The following IGFN1 variants were observed in gnomAD, a reference collection of about 807,000 sequenced individuals.
The protein encoded by IGFN1 is immunoglobulin like and fibronectin type III domain containing 1.
Under a neutral mutation model 289.5 loss-of-function variants are expected in IGFN1, and 253 were observed. The observed-to-expected ratio is 0.87, with a 90% CI of 0.79 to 0.97. The LOEUF is 0.97. IGFN1 is among the 50% of genes least tolerant of loss of function. The probability of loss-of-function intolerance (pLI) is 0.00; values close to 1 mark genes in which losing one functional copy is unlikely to be tolerated. For missense variants in IGFN1, 4,470 were observed against 4,686.1 expected (o/e 0.95, Z 1.35); for synonymous variants, 1,706 against 1,788.5 (o/e 0.95, Z 1.16).
chr1:201,227,151 G>A lies in IGFN1; in HGVS notation c.11056G>A (p.Ala3686Thr), dbSNP rs375867012. 2 of 1,612,860 alleles carry A rather than the reference G, an allele frequency of 1.2e-6. No individual in the cohort carries two copies. The highest frequency in any genetic ancestry group is 1.7e-6 in the Non-Finnish European group (2 of 1,179,788). The change falls in exon 23 of 24, where the codon GCT becomes ACT. Residue 3686 changes from alanine (A) to threonine (T), a missense_variant. By Grantham distance (58) the Ala-to-Thr change is moderately conservative. Around this residue, in one of 8 missense-constraint regions of IGFN1, gnomAD observed 2,218 missense variants for 2,114.1 expected, o/e 1.05. Transcript: ENST00000335211. ...CCCGAAGGACAGCGGGGAGTACAAG[G>A]CTGTGGCTGAGAACACGCTGGGCCA... Reference protein sequence around the residue: ...VSPKDSGEYKAVAENTLGQAV... With the variant: ...VSPKDSGEYKTVAENTLGQAV...
Position 201,214,282 on chromosome 1 carries a change from G to A in IGFN1, c.8834G>A (p.Trp2945Ter). ...TLTSDLGPGT[W>*]FKDGVKLTTQ... Reference sequence around the variant, plus strand: ...ACCAGTGACCTGGGACCTGGCACCTGGTTTAAGGATGGCGTCAAGGTACTG... The same window carrying A: ...ACCAGTGACCTGGGACCTGGCACCTAGTTTAAGGATGGCGTCAAGGTACTG... Residue 2945 changes from tryptophan to a stop codon, truncating the protein, a stop_gained, in exon 13 of 24, where the codon TGG becomes TAG. Coordinates refer to ENST00000335211, the MANE Select transcript of IGFN1 (RefSeq NM_001164586.2). LOFTEE classifies it high-confidence loss of function. 1 of 1,611,524 alleles carries A rather than the reference G, an allele frequency of 6.2e-7. No homozygotes were observed. Among genetic ancestry groups the A allele is most frequent in the Non-Finnish European group, 8.5e-7 (1 of 1,178,186 alleles).
In IGFN1 at chr1:201,216,560, G is replaced by T. The variant is rs771641776; in HGVS notation, c.9402G>T (p.Glu3134Asp). 1.9e-6 allele frequency: 3 copies of T among 1,613,450 alleles called. No individual in the cohort carries two copies. The East Asian group carries it at 6.7e-5, about 36-fold the overall frequency. Residue 3134 changes from glutamate to aspartate, a missense_variant, in exon 16 of 24, where the codon GAG (glutamate) becomes GAT (aspartate). Transcript: ENST00000335211. ...GGGACAATGGGGGCCGGACTGTAGA[G>T]TGCTACGTGGTGGAGAGACGGCAGG... ...PPRDNGGRTVECYVVERRQAG... is the reference protein window; with the variant it reads ...PPRDNGGRTVDCYVVERRQAG...
Position 201,208,610 on chromosome 1 carries a change from TG to T in IGFN1, c.3720del (p.Pro1241LeufsTer70). 1 of 1,508,896 alleles carries T rather than the reference TG, an allele frequency of 6.6e-7. No homozygotes were observed. Among genetic ancestry groups the T allele is most frequent in the Non-Finnish European group, 8.8e-7 (1 of 1,135,868 alleles). 93.5% of individuals were successfully genotyped at this position (1,508,896 alleles called of 1,614,324 possible). A position where few individuals can be genotyped will look rare whatever the true frequency, so the allele number is the denominator to read the frequency against. ...CCTATGGAGAAAGGTCAAGGGGCCTTGGGCCTAGGAGTACAGGGCCAGGGGG... is the reference window on the plus strand; with the variant it reads ...CCTATGGAGAAAGGTCAAGGGGCCTTGGCCTAGGAGTACAGGGCCAGGGGG... Reference protein sequence around the residue: ...TAYGERSRGLGPRSTGPGGEA... With the variant: ...TAYGERSRGLXPRSTGPGGEA... On this transcript the variant is annotated frameshift_variant, in exon 12 of 24. Transcript: ENST00000335211. LOFTEE classifies it high-confidence loss of function.
Position 201,206,715 on chromosome 1 carries a change from A to C in IGFN1, c.1822A>C (p.Ser608Arg), listed in dbSNP as rs1558141149. The C allele has an allele frequency of 1.3e-6, 2 of 1,536,714 alleles. No homozygotes were observed. The highest frequency in any genetic ancestry group is 1.7e-6 in the Non-Finnish European group (2 of 1,146,916). The change falls in exon 12 of 24, where the codon AGC becomes CGC. Residue 608 changes from serine (S) to arginine (R), a missense_variant. This residue lies in a region of IGFN1 where 2,011 missense variants were observed against 1,953.4 expected (regional missense o/e 1.03). Transcript: ENST00000335211. ...TCGACTGGGACCTGGGAGAGGAAAGAGCGACCTGCAGGGATGCCAGTCTGA... is the reference window on the plus strand; with the variant it reads ...TCGACTGGGACCTGGGAGAGGAAAGCGCGACCTGCAGGGATGCCAGTCTGA... ...DARLGPGRGK[S>R]DLQGCQSDPV...
chr1:201,208,364 G>A lies in IGFN1; in HGVS notation c.3471G>A (p.Arg1157=), dbSNP rs766114900. Residue 1157 remains arginine, a synonymous_variant, in exon 12 of 24, where the codon AGG becomes AGA. Transcript: ENST00000335211. ...GPGAMGPGSL[R]AGSKVGEGDG... ...GAGCCATGGGACCAGGGTCTCTGAG[G>A]GCAGGAAGCAAAGTGGGTGAGGGGG... 2.7e-6 allele frequency: 4 copies of A among 1,462,722 alleles called. No individual in the cohort carries two copies. In the South Asian group the frequency reaches 5.8e-5, roughly 21 times the overall value. The allele number at this position is 1,462,722 out of a possible 1,614,324, so 90.6% of individuals were successfully genotyped here.
intron 2 of IGFN1, 88 bp downstream of exon 2, chr1:201,193,388 T>C: frequency 1.1e-6 from 1 of 896,626 alleles, no homozygotes; most frequent in South Asian, 1.5e-5. Context: ...GATCAGAGAT[T>C]TCTGGGAACT....
At chr1:201,219,200 G>A (rs11801154) in intron 18 of IGFN1, among the ~76,000 whole-genome samples, 23,053 of 152,244 alleles carry the variant, frequency 0.15, 4,867 homozygotes, top group African/African-American at 0.48. Context: ...CAGGCAGGGC[G>A]GAGGGCAGGT....
chr1:201,216,565 A>G lies in IGFN1; in HGVS notation c.9407A>G (p.Tyr3136Cys). The G allele has an allele frequency of 1.2e-6, 2 of 1,613,576 alleles. No homozygotes were observed. Among genetic ancestry groups the G allele is most frequent in the Non-Finnish European group, 1.7e-6 (2 of 1,179,818 alleles). The change falls in exon 16 of 24, where the codon TAC becomes TGC. Residue 3136 changes from tyrosine to cysteine, a missense_variant. This residue lies in a region of IGFN1 where 2,218 missense variants were observed against 2,114.1 expected (regional missense o/e 1.05). Coordinates refer to ENST00000335211, the MANE Select transcript of IGFN1 (RefSeq NM_001164586.2). Reference protein sequence around the residue: ...RDNGGRTVECYVVERRQAGRS... With the variant: ...RDNGGRTVECCVVERRQAGRS... ...AATGGGGGCCGGACTGTAGAGTGCT[A>G]CGTGGTGGAGAGACGGCAGGCTGGC...
rs372720929 is a variant in IGFN1 at position 201,194,173 on chromosome 1, C to G, written c.27C>G (p.His9Gln). ...CTCCAGGAAAGCTCCGGAAGTCCCA[C>G]ATCCCTGGAGTGAGCATCTGGCAGC... is the stretch of plus-strand genomic sequence containing the variant. MAGKLRKS[H>Q]IPGVSIWQLV... The change falls in exon 3 of 24, where the codon CAC becomes CAG. Residue 9 changes from histidine to glutamine, a missense_variant. Physicochemically the swap from His to Gln is conservative, Grantham distance 24. This residue lies in a region of IGFN1 where 2,011 missense variants were observed against 1,953.4 expected (regional missense o/e 1.03). Coordinates refer to ENST00000335211, the MANE Select transcript of IGFN1 (RefSeq NM_001164586.2). 9 of 1,551,508 alleles carry G rather than the reference C, an allele frequency of 5.8e-6. No homozygotes were observed. Among genetic ancestry groups the G allele is most frequent in the Non-Finnish European group, 7.8e-6 (9 of 1,146,950 alleles).
Position 201,210,203 on chromosome 1 carries a change from T to G in IGFN1, c.5310T>G (p.Ser1770Arg), listed in dbSNP as rs1347483754. ...CAGATTTTAGGGATGCTTTAGGGAG[T>G]TCTGGGGAAATGGGGTCAATGGATG... ...SKADFRDALG[S>R]SGEMGSMDEA... The change falls in exon 12 of 24, where the codon AGT (serine) becomes AGG (arginine). Residue 1770 changes from serine (S) to arginine (R), a missense_variant. Around this residue, in one of 8 missense-constraint regions of IGFN1, gnomAD observed 33 missense variants for 259.7 expected, o/e 0.13. Transcript: ENST00000335211. 8.0e-7 allele frequency: 1 copy of G among 1,254,400 alleles called. No homozygotes were observed. The highest frequency in any genetic ancestry group is 2.6e-5 in the African/African-American group (1 of 38,598). 77.7% of individuals were successfully genotyped at this position (1,254,400 alleles called of 1,614,324 possible).
At chr1:201,198,616 G>A (rs1446967161) in intron 5 of IGFN1, among the ~76,000 whole-genome samples, 3 of 149,200 alleles carry the variant, frequency 2.0e-5, no homozygotes, top group Admixed American at 1.3e-4. Flanking sequence ...TTGTAGAGGC[G>A]GGGTCTCCCT....
chr1:201,213,537 A>T lies in IGFN1; in HGVS notation c.8644A>T (p.Ile2882Phe). Reference protein sequence around the residue: ...RRSGKDGRLDIYGERRDATRS... With the variant: ...RRSGKDGRLDFYGERRDATRS... The stretch of plus-strand genomic sequence containing the variant: ...AAGTGGCAAAGACGGCAGGTTGGAC[A>T]TCTATGGAGAGAGGAGAGATGCTAC... Residue 2882 changes from isoleucine (I) to phenylalanine (F), a missense_variant, in exon 12 of 24, where the codon ATC becomes TTC. Around this residue, in one of 8 missense-constraint regions of IGFN1, gnomAD observed 2,218 missense variants for 2,114.1 expected, o/e 1.05. Transcript: ENST00000335211. 1 of 1,614,038 alleles carries T rather than the reference A, an allele frequency of 6.2e-7. No homozygotes were observed. Among genetic ancestry groups the T allele is most frequent in the Non-Finnish European group, 8.5e-7 (1 of 1,179,942 alleles).
chr1:201,207,196 G>A lies in IGFN1; in HGVS notation c.2303G>A (p.Gly768Glu). The change falls in exon 12 of 24, where the codon GGA becomes GAA. Residue 768 changes from glycine to glutamate, a missense_variant. Physicochemically the swap from Gly to Glu is moderately conservative, Grantham distance 98. Around this residue, in one of 8 missense-constraint regions of IGFN1, gnomAD observed 2,011 missense variants for 1,953.4 expected, o/e 1.03. Transcript: ENST00000335211. Reference sequence around the variant, plus strand: ...TGCCGGGGGGAGTCTGTAGTTACAGGAAGTGCCTACAAAACTGGCCCTGGA... The same window carrying A: ...TGCCGGGGGGAGTCTGTAGTTACAGAAAGTGCCTACAAAACTGGCCCTGGA... ...GICRGESVVTGSAYKTGPGGP... is the reference protein window; with the variant it reads ...GICRGESVVTESAYKTGPGGP... The A allele has an allele frequency of 6.5e-7, 1 of 1,536,920 alleles. No homozygotes were observed. Among genetic ancestry groups the A allele is most frequent in the Non-Finnish European group, 8.7e-7 (1 of 1,146,852 alleles).
intron 8 of IGFN1, among the ~76,000 whole-genome samples, chr1:201,201,297 T>A (rs149869698): frequency 6.6e-6 from 1 of 152,226 alleles, no homozygotes; most frequent in South Asian, 2.1e-4. Context: ...TAGTTTTTAT[T>A]ATCCTGAAAA....
Position 201,205,216 on chromosome 1 carries a change from A to C in IGFN1, c.1051A>C (p.Ser351Arg), listed in dbSNP as rs1323903610. The change falls in exon 11 of 24, where the codon AGT (serine) becomes CGT (arginine). Residue 351 changes from serine to arginine, a missense_variant. Transcript: ENST00000335211. ...WHFRHRLLHP[S>R]DKYEVYVSPD... ...TTTCCGGCACCGGCTACTCCACCCCAGTGACAAATATGAAGTGTATGTGTC... is the reference window on the plus strand; with the variant it reads ...TTTCCGGCACCGGCTACTCCACCCCCGTGACAAATATGAAGTGTATGTGTC... The C allele has an allele frequency of 1.3e-6, 2 of 1,551,096 alleles. No individual in the cohort carries two copies. The highest frequency in any genetic ancestry group is 2.4e-5 in the East Asian group (1 of 40,908).
chr1:201,203,632 G>T, intron 9 of IGFN1, 106 bp from the exon 10 acceptor site: 1 of 1,026,472 alleles, frequency 9.7e-7, no homozygotes, highest in Non-Finnish European at 1.4e-6. Context: ...GTTGTCTGGC[G>T]ACTGGGCCCG....
Position 201,228,414 on chromosome 1 carries a change from G to A in IGFN1, c.*15G>A, listed in dbSNP as rs769808022. The A allele has an allele frequency of 6.2e-7, 1 of 1,613,786 alleles. No individual in the cohort carries two copies. Among genetic ancestry groups the A allele is most frequent in the Non-Finnish European group, 8.5e-7 (1 of 1,179,822 alleles). ...CCAGCACCTAGCCTCACCTCACCCT[G>A]GGATGGTCCTGGACCCTTGAAGCTT... On this transcript the variant is annotated 3_prime_UTR_variant, in exon 24 of 24. Coordinates refer to ENST00000335211, the MANE Select transcript of IGFN1 (RefSeq NM_001164586.2).
intron 10 of IGFN1, among the ~76,000 whole-genome samples, chr1:201,204,829 T>C (rs546783067): frequency 3.3e-5 from 5 of 152,368 alleles, no homozygotes; most frequent in Non-Finnish European, 7.3e-5. Flanking sequence ...ACCTTGTCCC[T>C]AAATATAACT....
At position 201,215,638 on chromosome 1, in the gene IGFN1, AC is replaced by A; in HGVS notation, c.9097del (p.Leu3033SerfsTer48). 1 of 1,613,826 alleles carries A rather than the reference AC, an allele frequency of 6.2e-7. No individual in the cohort carries two copies. Among genetic ancestry groups the A allele is most frequent in the Non-Finnish European group, 8.5e-7 (1 of 1,179,920 alleles). On this transcript the variant is annotated frameshift_variant, in exon 15 of 24. Coordinates refer to ENST00000335211, the MANE Select transcript of IGFN1 (RefSeq NM_001164586.2). LOFTEE classifies it high-confidence loss of function. ...ATAGTGAAGATCCCCTTCCAGAGCC[AC>A]CTCCCCATTCAGGCTGCCTGGAGGA... ...PVIVKIPFQS[H>X]LPIQAAWRKD...
Sources: gnomAD v4.1 joint callset for allele counts (sites outside exome capture counted in the v4.1 genomes callset) on GRCh38, gnomAD v4.1.1 for gene constraint, gnomAD v4.1.1 regional missense constraint, MANE v1.5 for transcripts, NCBI Gene and HGNC (gene_info 2026-07-23, HGNC 2026-07-21) for gene names.